CCNJL: variants seen among roughly 807,000 people sequenced by gnomAD.
CCNJL encodes the protein cyclin-J-like protein.
A neutral mutation model predicts 33.4 loss-of-function variants in CCNJL; 33 were observed. The observed-to-expected ratio is 0.99, with a 90% CI of 0.75 to 1.32. The LOEUF (loss-of-function observed/expected upper bound fraction) is 1.32, where lower values mean the gene tolerates loss of function less well. Among genes scored for constraint, CCNJL ranks in the 40% most tolerant of loss-of-function variants. The probability of loss-of-function intolerance (pLI) is 0.00; values close to 1 mark genes in which losing one functional copy is unlikely to be tolerated. For missense variants in CCNJL, 512 were observed against 499.7 expected, an observed-to-expected ratio of 1.02 and a Z score of -0.23; for synonymous variants, 227 against 220.9, an observed-to-expected ratio of 1.03 and a Z score of -0.24.
At chr5:160,264,103 ACCTGG>A (rs1422015518) in intron 3 of CCNJL, among the ~76,000 whole-genome samples, 1 of 151,758 alleles carries the variant, frequency 6.6e-6, no homozygotes, top group Non-Finnish European at 1.5e-5. Flanking sequence ...ACGCCACCAC[ACCTGG>A]CTAATTTTTG....
In CCNJL at chr5:160,272,743, GGTTGA is replaced by G. The variant is rs1761881423; in HGVS notation, c.280+7777_280+7781del. Among the ~76,000 whole-genome samples, 4 of 152,296 alleles carry G rather than the reference GGTTGA, an allele frequency of 2.6e-5. No individual in the cohort carries two copies. The South Asian group carries it at 8.3e-4, about 32-fold the overall frequency. ...GGAAAAACGGGTCTCATCAGCTGTT[GGTTGA>G]GTTAAAACTTCTGTAAGGCAATTTG... is the stretch of plus-strand genomic sequence containing the variant. On this transcript the variant is annotated intron_variant, in intron 3 of 5. Coordinates refer to ENST00000257536, the MANE Select transcript of CCNJL (RefSeq NM_001308173.3).
At chr5:160,320,369 C>G (rs190515909) in intron 1 of CCNJL, among the ~76,000 whole-genome samples, 14 of 152,164 alleles carry the variant, frequency 9.2e-5, no homozygotes, top group African/African-American at 3.4e-4. Context: ...GGATTCGATC[C>G]CAGAGGACAC....
intron 1 of CCNJL, among the ~76,000 whole-genome samples, chr5:160,329,244 A>G (rs529605049): frequency 2.6e-5 from 4 of 152,170 alleles, no homozygotes; most frequent in Non-Finnish European, 4.4e-5. Context: ...GGTGCTATGT[A>G]GTCAAACTAA....
intron 2 of CCNJL, among the ~76,000 whole-genome samples, chr5:160,281,203 T>C (rs1230514536): frequency 6.6e-6 from 1 of 152,196 alleles, no homozygotes; most frequent in Non-Finnish European, 1.5e-5. Flanking sequence ...TTAAAATGTA[T>C]GCAAAATGCC....
Position 160,311,990 on chromosome 5 carries a change from A to C in CCNJL, c.-49-18T>G. 6.7e-7 allele frequency: 1 copy of C among 1,487,072 alleles called. No individual in the cohort carries two copies. Among genetic ancestry groups the C allele is most frequent in the South Asian group, 1.1e-5 (1 of 88,332 alleles). The allele number at this position is 1,487,072 out of a possible 1,614,324, so 92.1% of individuals were successfully genotyped here. ...GGCGCACCCTGCGTGGACACGGGCA[A>C]CTTCAGCGGCCAGAGCGTACCCCGG... On this transcript the variant is annotated intron_variant, in intron 1 of 5. Coordinates refer to ENST00000257536, the MANE Select transcript of CCNJL (RefSeq NM_001308173.3).
At position 160,255,580 on chromosome 5, in the gene CCNJL, G is replaced by A. The variant is rs1225922362; in HGVS notation, c.712C>T (p.His238Tyr). 3.1e-6 allele frequency: 5 copies of A among 1,614,150 alleles called. No individual in the cohort carries two copies. Among genetic ancestry groups the A allele is most frequent in the Non-Finnish European group, 4.2e-6 (5 of 1,179,984 alleles). ...AGGATTTCAATACACGTGCTGAGGT[G>A]CTCCAGGGAATAGCTTGAGATCCTC... ...LQRISSYSLEHLSTCIEILLV... is the reference protein window; with the variant it reads ...LQRISSYSLEYLSTCIEILLV... Residue 238 changes from histidine to tyrosine, a missense_variant, in exon 5 of 6, where the codon CAC becomes TAC. Physicochemically the swap from His to Tyr is moderately conservative, Grantham distance 83. Coordinates refer to ENST00000257536, the MANE Select transcript of CCNJL (RefSeq NM_001308173.3).
intron 3 of CCNJL, among the ~76,000 whole-genome samples, chr5:160,277,247 G>A (rs1217402601): frequency 6.6e-6 from 1 of 152,176 alleles, no homozygotes; most frequent in Non-Finnish European, 1.5e-5. Flanking sequence ...GTGAGGATCC[G>A]TGCGATGTGT....
chr5:160,268,568 G>A (rs1354340404), intron 3 of CCNJL, among the ~76,000 whole-genome samples: 2 of 152,336 alleles, frequency 1.3e-5, no homozygotes, highest in African/African-American at 2.4e-5. Context: ...GTAGGGGAGA[G>A]AGAAAGCCAG....
intron 2 of CCNJL, among the ~76,000 whole-genome samples, chr5:160,308,022 C>A (rs1274276583): frequency 1.3e-5 from 2 of 152,162 alleles, no homozygotes; most frequent in African/African-American, 4.8e-5. Flanking sequence ...GAACTAGTCC[C>A]TTTCCTGACT....
At chr5:160,314,859 A>T (rs768722939), upstream of CCNJL, among the ~76,000 whole-genome samples, 1 of 152,140 alleles carries the variant, frequency 6.6e-6, no homozygotes, top group Non-Finnish European at 1.5e-5. Flanking sequence ...AGCTTTTTTT[A>T]AAAAAACAGT....
intron 2 of CCNJL, among the ~76,000 whole-genome samples, chr5:160,301,590 C>A (rs1436211735): frequency 1.3e-5 from 2 of 151,686 alleles, no homozygotes; most frequent in African/African-American, 2.4e-5. Flanking sequence ...TGTGCCACCA[C>A]GCCCAGCAAT....
intron 2 of CCNJL, among the ~76,000 whole-genome samples, chr5:160,289,721 A>T (rs1762522901): frequency 6.6e-6 from 1 of 152,174 alleles, no homozygotes; most frequent in Non-Finnish European, 1.5e-5. Context: ...CTACACGGAG[A>T]GACAGAGAGG....
intron 4 of CCNJL, among the ~76,000 whole-genome samples, chr5:160,257,616 C>T (rs1041833645): frequency 6.6e-6 from 1 of 151,890 alleles, no homozygotes; most frequent in Non-Finnish European, 1.5e-5. Context: ...AGTTCGAGAC[C>T]TACCTGGGCA....
intron 3 of CCNJL, among the ~76,000 whole-genome samples, chr5:160,264,577 C>T (rs930191951): frequency 6.6e-6 from 1 of 151,050 alleles, no homozygotes; most frequent in Non-Finnish European, 1.5e-5. Context: ...CTTATGACAA[C>T]ACATAATATA....
At chr5:160,293,964 C>A (rs924672429) in intron 2 of CCNJL, among the ~76,000 whole-genome samples, 3 of 152,124 alleles carry the variant, frequency 2.0e-5, no homozygotes, top group Admixed American at 1.3e-4. Flanking sequence ...CATGCCTATC[C>A]CTACTGCTGC....
chr5:160,339,434 G>T lies in CCNJL; in HGVS notation n.206+11C>A, dbSNP rs144017163. The T allele has an allele frequency of 1.3e-4, 55 of 436,340 alleles. No individual in the cohort carries two copies. In the East Asian group the frequency reaches 3.9e-3, roughly 31 times the overall value. 27.0% of individuals were successfully genotyped at this position (436,340 alleles called of 1,614,324 possible). A position where few individuals can be genotyped will look rare whatever the true frequency, so the allele number is the denominator to read the frequency against. On this transcript the variant is annotated intron_variant and non_coding_transcript_variant, in intron 1 of 7. Coordinates refer to the CCNJL transcript ENST00000377503. The stretch of plus-strand genomic sequence containing the variant: ...ACGTTCTTCAATTTAAATACATTAA[G>T]ATTTACTTACTCCTCCAAGTGTTTG...
At chr5:160,338,389 GT>G (rs1341965316) in intron 1 of CCNJL, among the ~76,000 whole-genome samples, 1 of 114,170 alleles carries the variant, frequency 8.8e-6, no homozygotes, top group Non-Finnish European at 2.0e-5. Flanking sequence ...GTGAGACCCT[GT>G]CCCCCTCAAC....
chr5:160,270,673 T>C (rs577191529), intron 3 of CCNJL, among the ~76,000 whole-genome samples: 2 of 152,328 alleles, frequency 1.3e-5, no homozygotes, highest in Admixed American at 1.3e-4. Context: ...GTTCCGATTA[T>C]AGAAAAGAGA....
chr5:160,304,620 G>A (rs1194667975), intron 2 of CCNJL, among the ~76,000 whole-genome samples: 5 of 152,072 alleles, frequency 3.3e-5, no homozygotes, highest in South Asian at 2.1e-4. Context: ...TAACTAAGCC[G>A]GGCAGACACA....
Sources: allele counts gnomAD v4.1 joint callset (sites outside exome capture counted in the v4.1 genomes callset), GRCh38; gene constraint gnomAD v4.1.1; transcripts MANE v1.5; gene names NCBI Gene and HGNC (gene_info 2026-07-23, HGNC 2026-07-21).